The following MKLN1 variants were observed in gnomAD, a reference collection of about 807,000 sequenced individuals.
The protein encoded by MKLN1 is muskelin.
In MKLN1, 18 loss-of-function variants were observed where a neutral mutation model predicts 99.0. The observed-to-expected ratio is 0.18, with a 90% CI of 0.13 to 0.27. The LOEUF (loss-of-function observed/expected upper bound fraction) is 0.27. Ranked by LOEUF, MKLN1 falls within the 10% of genes least tolerant of loss-of-function variation. MKLN1 has a pLI of 1.00. For missense variants in MKLN1, 621 were observed against 875.9 expected (o/e 0.71, Z 3.67); for synonymous variants, 288 against 293.2 (o/e 0.98, Z 0.18).
At chr7:131,313,536 A>G (rs1173104446) in intron 3 of MKLN1, among the ~76,000 whole-genome samples, 1 of 152,264 alleles carries the variant, frequency 6.6e-6, no homozygotes, top group Non-Finnish European at 1.5e-5. Context: ...TCTGTTCCAC[A>G]TGGCTGAAGC....
chr7:131,415,042 T>A (rs78912103), intron 8 of MKLN1, among the ~76,000 whole-genome samples: 5,800 of 152,100 alleles, frequency 0.038, 153 homozygotes, highest in Middle Eastern at 0.096. Flanking sequence ...AGCTAAGTGT[T>A]GGTAAGTCCA....
chr7:131,192,776 G>A (rs1352882620), intron 2 of MKLN1, among the ~76,000 whole-genome samples: 6 of 151,658 alleles, frequency 4.0e-5, no homozygotes, highest in East Asian at 1.9e-4. Flanking sequence ...TCCTGACCTC[G>A]TGATCCACCT....
chr7:131,437,647 G>A, intron 9 of MKLN1, 138 bp from the exon 10 acceptor site: 1 of 665,600 alleles, frequency 1.5e-6, no homozygotes, highest in Non-Finnish European at 2.5e-6. Context: ...ACTCATATTG[G>A]TTGACTTGAT....
At position 131,205,976 on chromosome 7, in the gene MKLN1, C is replaced by T. The variant is rs186939642; in HGVS notation, c.-179+3002C>T. 1.3e-3 allele frequency among the ~76,000 whole-genome samples: 192 copies of T among 151,998 alleles called. 1 individual carries two copies. The highest frequency in any genetic ancestry group is 4.5e-3 in the African/African-American group (185 of 41,444). ...AGGCATGATCTCTGCTCACTGCAAC[C>T]TCTGCCTCCTGGGTTCAAGCGATTC... On this transcript the variant is annotated intron_variant, in intron 3 of 7. Coordinates refer to the MKLN1 transcript ENST00000416992.
chr7:131,187,667 G>A (rs1340906077), intron 2 of MKLN1, among the ~76,000 whole-genome samples: 2 of 152,150 alleles, frequency 1.3e-5, no homozygotes, highest in Non-Finnish European at 2.9e-5. Flanking sequence ...GGTGACTCAT[G>A]CCTGTAACCT....
chr7:131,135,773 T>C lies in MKLN1; in HGVS notation c.-418-7047T>C, dbSNP rs539739540. Among the ~76,000 whole-genome samples, 16 of 152,280 alleles carry C rather than the reference T, an allele frequency of 1.1e-4. 1 individual carries two copies. The highest frequency in any genetic ancestry group is 8.5e-4 in the Admixed American group (13 of 15,298). On this transcript the variant is annotated intron_variant, in intron 1 of 7. Coordinates refer to the MKLN1 transcript ENST00000416992. Reference sequence around the variant, plus strand: ...CAGTGGAGTAATAGGGGCAAAAGGCTGACTGGATTGGCTTCAAGAGATAGG... The same window carrying C: ...CAGTGGAGTAATAGGGGCAAAAGGCCGACTGGATTGGCTTCAAGAGATAGG...
intron 8 of MKLN1, among the ~76,000 whole-genome samples, chr7:131,415,305 T>C (rs1794985654): frequency 6.6e-6 from 1 of 152,120 alleles, no homozygotes; most frequent in African/African-American, 2.4e-5. Context: ...TATTTTATTA[T>C]TGGATTTTAG....
chr7:131,438,028 T>C (rs1172602596), intron 10 of MKLN1, 31 bp downstream of exon 10: 1 of 1,507,024 alleles, frequency 6.6e-7, no homozygotes, highest in African/African-American at 1.4e-5. Context: ...TATGATGGAA[T>C]TAATCAGTGC....
At chr7:131,212,734 A>G (rs1796923959) in intron 3 of MKLN1, among the ~76,000 whole-genome samples, 2 of 151,926 alleles carry the variant, frequency 1.3e-5, no homozygotes, top group African/African-American at 2.4e-5. Flanking sequence ...GACCAGCCTG[A>G]CCAACATGGA....
At chr7:131,263,907 C>T (rs11971101) in intron 3 of MKLN1, among the ~76,000 whole-genome samples, 16,615 of 152,144 alleles carry the variant, frequency 0.11, 1,026 homozygotes, top group African/African-American at 0.16. Flanking sequence ...CCCACTTTAC[C>T]TGTTCAGATA....
chr7:131,269,367 C>T (rs1001067495), intron 3 of MKLN1, among the ~76,000 whole-genome samples: 8 of 152,196 alleles, frequency 5.3e-5, no homozygotes, highest in African/African-American at 7.2e-5. Flanking sequence ...TCATAGAGGG[C>T]GTCTTCTTGT....
intron 6 of MKLN1, among the ~76,000 whole-genome samples, chr7:131,401,925 G>GC (rs1376656947): frequency 1.3e-5 from 2 of 152,148 alleles, no homozygotes; most frequent in South Asian, 2.1e-4. Flanking sequence ...GAAGGGTCTT[G>GC]CCTCAGTATT....
intron 3 of MKLN1, among the ~76,000 whole-genome samples, chr7:131,316,668 G>C (rs1168695284): frequency 6.6e-6 from 1 of 152,092 alleles, no homozygotes; most frequent in Admixed American, 6.6e-5. Context: ...TTGAGCTAAA[G>C]GAACATGTTC....
intron 12 of MKLN1, among the ~76,000 whole-genome samples, chr7:131,456,132 A>G (rs951619508): frequency 8.6e-5 from 13 of 151,896 alleles, no homozygotes; most frequent in Admixed American, 7.2e-4. Flanking sequence ...AGTACAGAAA[A>G]CTATTAATAG....
At chr7:131,283,350 T>C (rs1023480255) in intron 3 of MKLN1, among the ~76,000 whole-genome samples, 1 of 32,588 alleles carries the variant, frequency 3.1e-5, no homozygotes, top group South Asian at 1.9e-3. Flanking sequence ...CTTCCCCTCC[T>C]TCCTTCCTTC....
At chr7:131,272,081 G>A (rs1438364992) in intron 3 of MKLN1, among the ~76,000 whole-genome samples, 7 of 152,292 alleles carry the variant, frequency 4.6e-5, no homozygotes, top group South Asian at 2.1e-4. Context: ...AGACAAAGAC[G>A]TAAGTTTGCC....
At chr7:131,180,002 C>G (rs1216493085) in intron 2 of MKLN1, among the ~76,000 whole-genome samples, 1 of 152,210 alleles carries the variant, frequency 6.6e-6, no homozygotes, top group Non-Finnish European at 1.5e-5. Flanking sequence ...AGTAATCCTC[C>G]TGCCTCAACC....
At chr7:131,370,440 A>G (rs1800312942) in intron 1 of MKLN1, among the ~76,000 whole-genome samples, 1 of 148,968 alleles carries the variant, frequency 6.7e-6, no homozygotes, top group South Asian at 2.1e-4. Context: ...TTTAAAAGTG[A>G]TAAGATGATT....
At position 131,224,835 on chromosome 7, in the gene MKLN1, G is replaced by A. The variant is rs376886113; in HGVS notation, c.-179+21861G>A. ...ATGCCTGTAATCCCAGCACTTTGGGGGGCCGAGGTGGGCAGATCATGAGGT... is the reference window on the plus strand; with the variant it reads ...ATGCCTGTAATCCCAGCACTTTGGGAGGCCGAGGTGGGCAGATCATGAGGT... On this transcript the variant is annotated intron_variant, in intron 3 of 7. Transcript: ENST00000416992. 1.3e-4 allele frequency among the ~76,000 whole-genome samples: 19 copies of A among 151,948 alleles called. No homozygotes were observed. The East Asian group carries it at 2.7e-3, about 22-fold the overall frequency.
Sources: allele counts gnomAD v4.1 joint callset (sites outside exome capture counted in the v4.1 genomes callset), GRCh38; gene constraint gnomAD v4.1.1; transcripts MANE v1.5; gene names NCBI Gene and HGNC (gene_info 2026-07-23, HGNC 2026-07-21).